The following NRXN3 variants were observed in gnomAD, a reference collection of about 807,000 sequenced individuals.
NRXN3 encodes the protein neurexin 3.
A neutral mutation model predicts 137.6 loss-of-function variants in NRXN3; 32 were observed. That is an observed-to-expected ratio of 0.23 (90% CI 0.18 to 0.31). The LOEUF (loss-of-function observed/expected upper bound fraction) is 0.31. Ranked by LOEUF, NRXN3 falls within the 10% of genes least tolerant of loss-of-function variation. The pLI is 1.00. For synonymous variants in NRXN3, 798 were observed against 784.5 expected (o/e 1.02, Z -0.29); for missense variants, 1,574 against 2,062.5 (o/e 0.76, Z 4.59).
Position 78,180,451 on chromosome 14 carries a change from A to G in NRXN3, c.-704+9777A>G, listed in dbSNP as rs1429263105. Among the ~76,000 whole-genome samples, 3 of 152,266 alleles carry G rather than the reference A, an allele frequency of 2.0e-5. 1 individual carries two copies. Among genetic ancestry groups the G allele is most frequent in the East Asian group, 3.8e-4 (2 of 5,204 alleles). ...CGCTGCATTAAGTTAAGTGCTTTGCATATGAAGTTGGGAGGATTCAGTGAA... is the reference window on the plus strand; with the variant it reads ...CGCTGCATTAAGTTAAGTGCTTTGCGTATGAAGTTGGGAGGATTCAGTGAA... On this transcript the variant is annotated intron_variant, in intron 1 of 20. Transcript: ENST00000335750.
intron 15 of NRXN3, among the ~76,000 whole-genome samples, chr14:79,230,496 T>C (rs577767677): frequency 6.6e-6 from 1 of 152,312 alleles, no homozygotes; most frequent in African/African-American, 2.4e-5. Flanking sequence ...ACCTTCTACC[T>C]TGTGAGTTAG....
At chr14:78,598,021 C>G (rs2097171945) in intron 4 of NRXN3, among the ~76,000 whole-genome samples, 1 of 152,214 alleles carries the variant, frequency 6.6e-6, no homozygotes, top group Admixed American at 6.5e-5. Context: ...CTTCACAGCT[C>G]TGGGCCACCT....
intron 8 of NRXN3, among the ~76,000 whole-genome samples, chr14:78,732,791 G>T (rs1020763051): frequency 5.3e-5 from 8 of 152,184 alleles, no homozygotes; most frequent in Admixed American, 2.6e-4. Flanking sequence ...TGAGAGAAAG[G>T]TTAGATGGTT....
chr14:79,616,970 G>A (rs1324953881), intron 16 of NRXN3, among the ~76,000 whole-genome samples: 2 of 152,054 alleles, frequency 1.3e-5, no homozygotes, highest in African/African-American at 4.8e-5. Context: ...TTCCTTCCTG[G>A]GAGAGAATCC....
intron 15 of NRXN3, among the ~76,000 whole-genome samples, chr14:79,186,251 G>GAA (rs5809927): frequency 0.28 from 42,683 of 150,204 alleles, 6,547 homozygotes; most frequent in Non-Finnish European, 0.36. Context: ...GGTGTTACCT[G>GAA]AAAAAAAAAG....
chr14:79,196,572 G>A (rs2065157348), intron 15 of NRXN3, among the ~76,000 whole-genome samples: 1 of 151,378 alleles, frequency 6.6e-6, no homozygotes, highest in South Asian at 2.1e-4. Flanking sequence ...TGCACTCTGG[G>A]GGACACATTC....
intron 4 of NRXN3, among the ~76,000 whole-genome samples, chr14:78,596,559 A>T (rs1357208263): frequency 1.3e-5 from 2 of 151,930 alleles, no homozygotes; most frequent in African/African-American, 4.8e-5. Flanking sequence ...TATATCATGA[A>T]TAAAATGAAA....
chr14:78,413,181 G>A (rs1823298287), intron 4 of NRXN3, among the ~76,000 whole-genome samples: 1 of 152,204 alleles, frequency 6.6e-6, no homozygotes. Context: ...GGGAAGCTAA[G>A]CAAAGATGTG....
rs183364509 is a variant in NRXN3 at position 78,365,581 on chromosome 14, G to A, written c.757+67721G>A. ...CTCATTCTCAACTGCAGGGAAAGCT[G>A]GGACATGTTGACCGGCTATGAGTCC... is the stretch of plus-strand genomic sequence containing the variant. On this transcript the variant is annotated intron_variant, in intron 4 of 20. Coordinates refer to ENST00000335750, the MANE Select transcript of NRXN3 (RefSeq NM_001330195.2). 1.5e-4 allele frequency among the ~76,000 whole-genome samples: 23 copies of A among 152,256 alleles called. No individual in the cohort carries two copies. In the East Asian group the frequency reaches 3.9e-3, roughly 26 times the overall value.
At position 78,968,170 on chromosome 14, in the gene NRXN3, C is replaced by T. The variant is rs1047470914; in HGVS notation, c.2969-3C>T. The T allele has an allele frequency of 1.3e-6, 2 of 1,581,354 alleles. No homozygotes were observed. On this transcript the variant is annotated splice_region_variant and splice_polypyrimidine_tract_variant and intron_variant, in intron 13 of 20. Coordinates refer to ENST00000335750, the MANE Select transcript of NRXN3 (RefSeq NM_001330195.2). ...CTCTTTTGCTAATTACTTTCCTTTC[C>T]AGGTGATCTCTATATGGCTGGTCTG...
At chr14:79,619,295 T>A (rs942788552) in intron 16 of NRXN3, among the ~76,000 whole-genome samples, 5 of 152,128 alleles carry the variant, frequency 3.3e-5, no homozygotes, top group Non-Finnish European at 5.9e-5. Context: ...ACGTTCTAAA[T>A]GGTATTTCCT....
At chr14:78,290,294 A>G (rs913527545) in intron 3 of NRXN3, among the ~76,000 whole-genome samples, 2 of 152,148 alleles carry the variant, frequency 1.3e-5, no homozygotes, top group African/African-American at 2.4e-5. Flanking sequence ...TATATCTAAC[A>G]AATTAGTTAT....
chr14:78,935,882 G>T (rs1347780556), intron 10 of NRXN3, among the ~76,000 whole-genome samples: 1 of 152,134 alleles, frequency 6.6e-6, no homozygotes, highest in Non-Finnish European at 1.5e-5. Context: ...CATTCAGGGG[G>T]TCACCTCAAC....
At chr14:78,367,080 C>G (rs2086077210) in intron 4 of NRXN3, among the ~76,000 whole-genome samples, 1 of 152,174 alleles carries the variant, frequency 6.6e-6, no homozygotes, top group Admixed American at 6.5e-5. Context: ...CTGATGCTCT[C>G]TGATTATACA....
chr14:79,560,362 A>G (rs2097479793), intron 16 of NRXN3, among the ~76,000 whole-genome samples: 1 of 151,980 alleles, frequency 6.6e-6, no homozygotes, highest in Non-Finnish European at 1.5e-5. Flanking sequence ...GCAAACCTCT[A>G]TCAAAGTACA....
chr14:79,582,593 T>C (rs1036696166), intron 16 of NRXN3, among the ~76,000 whole-genome samples: 16 of 151,782 alleles, frequency 1.1e-4, no homozygotes, highest in Non-Finnish European at 2.1e-4. Context: ...GCAATTTTTT[T>C]TTTTTCTAGT....
intron 15 of NRXN3, among the ~76,000 whole-genome samples, chr14:79,048,325 G>T (rs207474993): frequency 6.6e-6 from 1 of 152,192 alleles, no homozygotes; most frequent in Admixed American, 6.5e-5. Flanking sequence ...TCTGATGGGA[G>T]TGTTGGTTTC....
chr14:79,374,773 A>T (rs2094211284), intron 15 of NRXN3, among the ~76,000 whole-genome samples: 1 of 152,164 alleles, frequency 6.6e-6, no homozygotes, highest in Admixed American at 6.6e-5. Flanking sequence ...GTACTGATTT[A>T]TAATTTTACC....
At chr14:79,109,168 A>G (rs1305015263) in intron 15 of NRXN3, among the ~76,000 whole-genome samples, 1 of 152,138 alleles carries the variant, frequency 6.6e-6, no homozygotes, top group Non-Finnish European at 1.5e-5. Context: ...TATGTTGTGT[A>G]TTCAGAAGAG....
Sources: allele counts gnomAD v4.1 joint callset (sites outside exome capture counted in the v4.1 genomes callset), GRCh38; gene constraint gnomAD v4.1.1; transcripts MANE v1.5; gene names NCBI Gene and HGNC (gene_info 2026-07-23, HGNC 2026-07-21).